ATP2B2: variants seen among roughly 807,000 people sequenced by gnomAD.
The protein encoded by ATP2B2 is plasma membrane calcium-transporting ATPase 2.
ATP2B2 carries 15 observed loss-of-function variants against 120.0 expected under a neutral mutation model. The ratio of observed to expected loss-of-function variants is 0.12; its 90% confidence interval spans 0.08 to 0.19. ATP2B2 has a LOEUF of 0.19. Ranked by LOEUF, ATP2B2 falls within the 10% of genes least tolerant of loss-of-function variation. The probability of loss-of-function intolerance (pLI) is 1.00; values close to 1 mark genes in which losing one functional copy is unlikely to be tolerated. For synonymous variants in ATP2B2, 694 were observed against 700.3 expected, an observed-to-expected ratio of 0.99 and a Z score of 0.14; for missense variants, 1,045 against 1,719.8, an observed-to-expected ratio of 0.61 and a Z score of 6.94.
intron 2 of ATP2B2, among the ~76,000 whole-genome samples, chr3:10,550,541 G>A (rs2067646445): frequency 6.6e-6 from 1 of 152,074 alleles, no homozygotes. Context: ...AGTGCCCTCT[G>A]AAGTACAGCT....
At chr3:10,427,090 G>A (rs73115683) in intron 2 of ATP2B2, among the ~76,000 whole-genome samples, 2,511 of 152,246 alleles carry the variant, frequency 0.016, 72 homozygotes, top group African/African-American at 0.057. Context: ...ACCCAAGGCC[G>A]CACATCTAAA....
chr3:10,638,524 A>G (rs1280547247), intron 1 of ATP2B2, among the ~76,000 whole-genome samples: 1 of 152,240 alleles, frequency 6.6e-6, no homozygotes, highest in African/African-American at 2.4e-5. Context: ...AAGATATCCA[A>G]TTAATCCCAA....
At chr3:10,485,680 G>T (rs974184941) in intron 1 of ATP2B2, among the ~76,000 whole-genome samples, 2 of 152,208 alleles carry the variant, frequency 1.3e-5, no homozygotes, top group African/African-American at 4.8e-5. Context: ...CTGTCCATCT[G>T]CCTACTCACC....
intron 11 of ATP2B2, among the ~76,000 whole-genome samples, chr3:10,373,464 C>A (rs141752827): frequency 2.6e-5 from 4 of 152,220 alleles, no homozygotes; most frequent in South Asian, 4.1e-4. Flanking sequence ...GTGACTACAC[C>A]TATAGGGTAC....
chr3:10,540,641 T>C (rs1313967564), intron 2 of ATP2B2, among the ~76,000 whole-genome samples: 1 of 146,428 alleles, frequency 6.8e-6, no homozygotes, highest in Non-Finnish European at 1.5e-5. Context: ...ACATTGCGTG[T>C]TCTCACTCAT....
At chr3:10,588,656 T>A (rs2068571661) in intron 2 of ATP2B2, among the ~76,000 whole-genome samples, 1 of 152,160 alleles carries the variant, frequency 6.6e-6, no homozygotes, top group African/African-American at 2.4e-5. Context: ...TCAACCCACG[T>A]ATCTCTCACC....
intron 2 of ATP2B2, among the ~76,000 whole-genome samples, chr3:10,606,868 T>C (rs1018085724): frequency 7.8e-6 from 1 of 127,592 alleles, no homozygotes; most frequent in Non-Finnish European, 1.6e-5. Flanking sequence ...GTAAGTGTAA[T>C]GACGGAGTCT....
intron 2 of ATP2B2, among the ~76,000 whole-genome samples, chr3:10,445,583 G>A (rs2063810295): frequency 6.6e-6 from 1 of 152,248 alleles, no homozygotes. Context: ...GTACTGCTGG[G>A]CTGTGGGAGC....
At position 10,335,986 on chromosome 3, in the gene ATP2B2, C is replaced by T. The variant is rs562695309; in HGVS notation, c.3420+2190G>A. The T allele has an allele frequency of 1.8e-4, 185 of 1,015,818 alleles. No homozygotes were observed. In the African/African-American group the frequency reaches 2.3e-3, roughly 13 times the overall value. The allele number at this position is 1,015,818 out of a possible 1,614,324, so 62.9% of individuals were successfully genotyped here. A position where few individuals can be genotyped will look rare whatever the true frequency, so the allele number is the denominator to read the frequency against. ...GGCTACGCTCTCCTGACCAACGGGA[C>T]CCTCTTCGGTGGCTGGGACCCTTCA... On this transcript the variant is annotated intron_variant, in intron 22 of 22. Coordinates refer to ENST00000360273, the MANE Select transcript of ATP2B2 (RefSeq NM_001001331.4).
rs1574970935 is a variant in ATP2B2, at chr3:10,346,999, G to T, written c.2405-862C>A. Among the ~76,000 whole-genome samples, 2 of 151,924 alleles carry T rather than the reference G, an allele frequency of 1.3e-5. No individual in the cohort carries two copies. The highest frequency in any genetic ancestry group is 2.4e-5 in the African/African-American group (1 of 41,340). On this transcript the variant is annotated intron_variant, in intron 16 of 22. Transcript: ENST00000360273. This position sits in a 1 kb window ranked among gnomAD's most constrained non-coding sequence, Gnocchi z 4.1. ...TGACTCTGGACTCCCCCTCCAACTT[G>T]CTTCCCCACAGCAACCTCAGGATCT... is the stretch of plus-strand genomic sequence containing the variant.
rs2059839372 is a variant in ATP2B2 at position 10,325,236 on chromosome 3, C to T, written c.*3578G>A. 1 of 152,058 alleles carries T rather than the reference C, an allele frequency of 6.6e-6. No homozygotes were observed. The highest frequency in any genetic ancestry group is 2.4e-5 in the African/African-American group (1 of 41,380). 9.4% of individuals were successfully genotyped at this position (152,058 alleles called of 1,614,324 possible). ...TGGGAATGGGACAGGGGGTGGAGGA[C>T]TGGGCACAATTTAAAGTTTATGTGG... On this transcript the variant is annotated 3_prime_UTR_variant, in exon 23 of 23. Coordinates refer to ENST00000360273, the MANE Select transcript of ATP2B2 (RefSeq NM_001001331.4).
rs372567555 is a variant in ATP2B2, at chr3:10,574,853, G to C, written c.-414-40720C>G. ...ACTGCACGGTAGGGGAAGGATGTGT[G>C]GGTATGGAAGACCCGGTGAGGAGGG... On this transcript the variant is annotated intron_variant, in intron 2 of 21. Transcript: ENST00000646379. Among the ~76,000 whole-genome samples the C allele has an allele frequency of 9.0e-4, 137 of 152,260 alleles. 1 individual carries two copies. The highest frequency in any genetic ancestry group is 3.2e-3 in the African/African-American group (134 of 41,556).
intron 1 of ATP2B2, among the ~76,000 whole-genome samples, chr3:10,501,680 G>A (rs1428536047): frequency 3.3e-5 from 5 of 152,166 alleles, no homozygotes; most frequent in Non-Finnish European, 7.4e-5. Context: ...GCAGGGTGAA[G>A]CCAGGGGCTA....
intron 14 of ATP2B2, among the ~76,000 whole-genome samples, chr3:10,355,791 C>CTTTGTGTGTGTGTGTGTGTGTGTGTGT: frequency 1.1e-5 from 1 of 92,538 alleles, no homozygotes; most frequent in Admixed American, 1.3e-4. Context: ...TTGTCCTTTC[C>CTTTGTGTGTGTGTGTGTGTGTGTGTGT]GGCCGGGCGC....
intron 1 of ATP2B2, among the ~76,000 whole-genome samples, chr3:10,460,381 A>G (rs2064437197): frequency 6.6e-6 from 1 of 152,148 alleles, no homozygotes; most frequent in Non-Finnish European, 1.5e-5. Flanking sequence ...TAAGGACAAC[A>G]TGTGAAGGAG....
intron 5 of ATP2B2, among the ~76,000 whole-genome samples, chr3:10,393,343 GC>G (rs1236162321): frequency 2.6e-5 from 4 of 152,178 alleles, no homozygotes; most frequent in Non-Finnish European, 5.9e-5. Context: ...TCAATAGGAA[GC>G]CGCTGAGAGT....
chr3:10,351,287 G>T (rs2060571943), intron 14 of ATP2B2, among the ~76,000 whole-genome samples: 1 of 152,180 alleles, frequency 6.6e-6, no homozygotes, highest in Non-Finnish European at 1.5e-5. Context: ...AGAGCTGAGG[G>T]TTTCCCCGAG....
chr3:10,467,144 C>G (rs1475550075), intron 1 of ATP2B2, among the ~76,000 whole-genome samples: 1 of 152,228 alleles, frequency 6.6e-6, no homozygotes, highest in Non-Finnish European at 1.5e-5. Flanking sequence ...AGGGGCCTCT[C>G]TGGTCATGAC....
chr3:10,588,768 T>C (rs1424181426), intron 2 of ATP2B2, among the ~76,000 whole-genome samples: 4 of 152,208 alleles, frequency 2.6e-5, no homozygotes, highest in African/African-American at 9.6e-5. Flanking sequence ...GAGATGCTTT[T>C]TATGCCCATT....
Sources: allele counts gnomAD v4.1 joint callset (sites outside exome capture counted in the v4.1 genomes callset), GRCh38; gene constraint gnomAD v4.1.1; non-coding constraint Gnocchi (gnomAD v3.1); transcripts MANE v1.5; gene names NCBI Gene and HGNC (gene_info 2026-07-23, HGNC 2026-07-21).